Variants in SENP3 observed in about 807,000 individuals in gnomAD.
SENP3 encodes SUMO specific peptidase 3, also known as sentrin-specific protease 3.
SENP3 carries 11 observed loss-of-function variants against 66.2 expected under a neutral mutation model. The observed-to-expected ratio is 0.17, with a 90% CI of 0.10 to 0.28. The LOEUF (loss-of-function observed/expected upper bound fraction) is 0.28. Among genes scored for constraint, SENP3 ranks in the 10% least tolerant of loss-of-function variants. SENP3 has a pLI of 1.00. For missense variants in SENP3, 548 were observed against 743.7 expected (o/e 0.74, Z 3.06); for synonymous variants, 292 against 277.6 (o/e 1.05, Z -0.52).
In SENP3 at chr17:7,570,250, C is replaced by T. The variant is rs1056729376; in HGVS notation, c.1342-106C>T. ...CAATCTAGGCCTTGGGTCTTCTGTT[C>T]TTTCACTTGGTTCCCTTACCTGTGT... On this transcript the variant is annotated intron_variant, in intron 7 of 10. Transcript: ENST00000321337. The surrounding 1 kb of genome is among the most constrained non-coding windows in gnomAD (Gnocchi z 5.4). The T allele has an allele frequency of 4.3e-6, 6 of 1,403,628 alleles. No individual in the cohort carries two copies. The highest frequency in any genetic ancestry group is 2.7e-5 in the South Asian group (2 of 75,204). 86.9% of individuals were successfully genotyped at this position (1,403,628 alleles called of 1,614,324 possible). A position where few individuals can be genotyped will look rare whatever the true frequency, so the allele number is the denominator to read the frequency against.
chr17:7,562,958 C>T lies in SENP3; in HGVS notation c.-11-108C>T. 1 of 1,316,242 alleles carries T rather than the reference C, an allele frequency of 7.6e-7. No individual in the cohort carries two copies. Among genetic ancestry groups the T allele is most frequent in the Non-Finnish European group, 9.7e-7 (1 of 1,035,340 alleles). The allele number at this position is 1,316,242 out of a possible 1,614,324, so 81.5% of individuals were successfully genotyped here. A position where few individuals can be genotyped will look rare whatever the true frequency, so the allele number is the denominator to read the frequency against. ...AGTTAGGAGTTTTGCGTTTTTTCCTCTTTTCTTTATTTGCATCTGAATCCA... is the reference window on the plus strand; with the variant it reads ...AGTTAGGAGTTTTGCGTTTTTTCCTTTTTTCTTTATTTGCATCTGAATCCA... On this transcript the variant is annotated intron_variant, in intron 1 of 10. Coordinates refer to ENST00000321337, the MANE Select transcript of SENP3 (RefSeq NM_015670.6). The surrounding 1 kb of genome is among the most constrained non-coding windows in gnomAD (Gnocchi z 5.0).
chr17:7,564,429 C>T lies in SENP3; in HGVS notation c.716-196C>T, dbSNP rs758953550. ...TATGAGTAGGAACTCTCTCTCCATC[C>T]CTGTAGAATCTCTTGGACATGTTTA... On this transcript the variant is annotated intron_variant, in intron 2 of 10. Transcript: ENST00000321337. 2.6e-5 allele frequency: 20 copies of T among 767,238 alleles called. No individual in the cohort carries two copies. In the South Asian group the frequency reaches 2.6e-4, roughly 10 times the overall value. 47.5% of individuals were successfully genotyped at this position (767,238 alleles called of 1,614,324 possible). A position where few individuals can be genotyped will look rare whatever the true frequency, so the allele number is the denominator to read the frequency against.
chr17:7,570,310 C>A lies in SENP3; in HGVS notation c.1342-46C>A. 1 of 1,594,166 alleles carries A rather than the reference C, an allele frequency of 6.3e-7. No homozygotes were observed. ...TCTCTAGAACCTTCATGGCAAAAGG[C>A]AAGACTTCTGTTTGTTGTACCTGAC... On this transcript the variant is annotated intron_variant, in intron 7 of 10. Transcript: ENST00000321337. The surrounding 1 kb of genome is among the most constrained non-coding windows in gnomAD (Gnocchi z 5.4).
rs1283964746 is a variant in SENP3 at position 7,569,384 on chromosome 17, C to CAAAAA, written c.1342-962_1342-958dup. ...TGGGCAACAGAGCAAGACTCCGTCT[C>CAAAAA]AAAAAAAAAAAAAAGATTTGTTTTT... On this transcript the variant is annotated intron_variant, in intron 7 of 10. Coordinates refer to ENST00000321337, the MANE Select transcript of SENP3 (RefSeq NM_015670.6). Among the ~76,000 whole-genome samples the CAAAAA allele has an allele frequency of 2.2e-4, 23 of 106,732 alleles. 1 individual carries two copies. Among genetic ancestry groups the CAAAAA allele is most frequent in the African/African-American group, 3.6e-4 (10 of 27,798 alleles). 70.0% of individuals were successfully genotyped at this position (106,732 alleles called of 152,430 possible). A position where few individuals can be genotyped will look rare whatever the true frequency, so the allele number is the denominator to read the frequency against.
Position 7,566,962 on chromosome 17 carries a change from C to T in SENP3, c.1299C>T (p.Leu433=), listed in dbSNP as rs371091205. 8.6e-4 allele frequency: 1,357 copies of T among 1,569,572 alleles called. 10 individuals carry two copies. In the African/African-American group the frequency reaches 0.015, roughly 18 times the overall value. The change falls in exon 7 of 11, where the codon CTC becomes CTT. Residue 433 remains leucine (L), a synonymous_variant. Coordinates refer to ENST00000321337, the MANE Select transcript of SENP3 (RefSeq NM_015670.6). ...HFFNSFFYDK[L]RTKGYDGVKR... ...TCAATAGTTTCTTCTATGATAAACT[C>T]CGTACCAAGGGTTATGATGGGGTGA... is the stretch of plus-strand genomic sequence containing the variant.
intron 5 of SENP3, 23 bp downstream of exon 5, chr17:7,565,610 G>T (rs1314418439): frequency 6.2e-7 from 1 of 1,613,594 alleles, no homozygotes; most frequent in East Asian, 2.2e-5. Flanking sequence ...AGAGAAACAG[G>T]CCTGAGAGGG....
chr17:7,565,893 A>G (rs1410323756), intron 6 of SENP3, 129 bp downstream of exon 6: 1 of 735,908 alleles, frequency 1.4e-6, no homozygotes, highest in Non-Finnish European at 2.3e-6. Context: ...TGGTAGTGGT[A>G]GTGTATTAAT....
intron 7 of SENP3, among the ~76,000 whole-genome samples, chr17:7,569,173 CAGG>C (rs898004769): frequency 3.9e-5 from 6 of 152,016 alleles, no homozygotes; most frequent in African/African-American, 7.2e-5. Context: ...ATCACCAGGT[CAGG>C]AGATCAAGAC....
chr17:7,562,248 G>A lies in SENP3; in HGVS notation c.-27G>A, dbSNP rs960347555. Reference sequence around the variant, plus strand: ...CGCCCGCCTTCGGGCCCGTCCGCCCGGCTTCCCCGCTCCCGGTGAGGACGC... The same window carrying A: ...CGCCCGCCTTCGGGCCCGTCCGCCCAGCTTCCCCGCTCCCGGTGAGGACGC... On this transcript the variant is annotated 5_prime_UTR_variant, in exon 1 of 11. Transcript: ENST00000321337. The surrounding 1 kb of genome is among the most constrained non-coding windows in gnomAD (Gnocchi z 5.0). 1 of 398,418 alleles carries A rather than the reference G, an allele frequency of 2.5e-6. No homozygotes were observed. The highest frequency in any genetic ancestry group is 4.4e-6 in the Non-Finnish European group (1 of 225,872). The allele number at this position is 398,418 out of a possible 1,614,324, so 24.7% of individuals were successfully genotyped here.
In SENP3 at chr17:7,571,549, C is replaced by A; in HGVS notation, c.*66C>A. On this transcript the variant is annotated 3_prime_UTR_variant, in exon 11 of 11. Coordinates refer to ENST00000321337, the MANE Select transcript of SENP3 (RefSeq NM_015670.6). ...GACATGGGAGTCCCTTCCCAAGAAA[C>A]TCCAGTTCCTTTCCTCTCTTGCCTC... 1 of 1,089,894 alleles carries A rather than the reference C, an allele frequency of 9.2e-7. No homozygotes were observed. Among genetic ancestry groups the A allele is most frequent in the Non-Finnish European group, 1.4e-6 (1 of 715,714 alleles). 67.5% of individuals were successfully genotyped at this position (1,089,894 alleles called of 1,614,324 possible). A position where few individuals can be genotyped will look rare whatever the true frequency, so the allele number is the denominator to read the frequency against.
At chr17:7,565,853 C>G in intron 6 of SENP3, 89 bp downstream of exon 6, 2 of 1,125,848 alleles carry the variant, frequency 1.8e-6, no homozygotes, top group South Asian at 2.7e-5. Context: ...TCATTTTACA[C>G]AGAGAGGGTC....
chr17:7,571,334 C>T (rs1338928249), intron 10 of SENP3, 39 bp from the exon 11 acceptor site: 2 of 1,436,420 alleles, frequency 1.4e-6, no homozygotes, highest in Non-Finnish European at 2.0e-6. Context: ...CAGGTCCTGA[C>T]ACGGGGGGTT....
chr17:7,567,044 C>A, intron 7 of SENP3, 40 bp downstream of exon 7: 1 of 1,297,280 alleles, frequency 7.7e-7, no homozygotes, highest in Non-Finnish European at 1.1e-6. Context: ...AATGCCTTGC[C>A]TCTAAAGAAT....
intron 6 of SENP3, among the ~76,000 whole-genome samples, chr17:7,566,596 G>A (rs1478158602): frequency 1.3e-5 from 2 of 151,924 alleles, no homozygotes; most frequent in African/African-American, 4.8e-5. Flanking sequence ...AACCCGGGAG[G>A]CGGAGGTTGC....
At position 7,570,216 on chromosome 17, in the gene SENP3, G is replaced by C; in HGVS notation, c.1342-140G>C. The stretch of plus-strand genomic sequence containing the variant: ...AAGAACCGAAACATGCAGATCCTGA[G>C]CTTGCCCACAATCTAGGCCTTGGGT... On this transcript the variant is annotated intron_variant, in intron 7 of 10. Coordinates refer to ENST00000321337, the MANE Select transcript of SENP3 (RefSeq NM_015670.6). This position sits in a 1 kb window ranked among gnomAD's most constrained non-coding sequence, Gnocchi z 5.4. 2 of 1,037,070 alleles carry C rather than the reference G, an allele frequency of 1.9e-6. No individual in the cohort carries two copies. The highest frequency in any genetic ancestry group is 2.4e-5 in the East Asian group (1 of 41,480). 64.2% of individuals were successfully genotyped at this position (1,037,070 alleles called of 1,614,324 possible).
chr17:7,569,575 AT>A (rs1218211782), intron 7 of SENP3, among the ~76,000 whole-genome samples: 1 of 152,026 alleles, frequency 6.6e-6, no homozygotes, highest in Non-Finnish European at 1.5e-5. Flanking sequence ...AGGCCAGGAA[AT>A]TTCTACAGCT....
intron 6 of SENP3, among the ~76,000 whole-genome samples, chr17:7,566,477 G>A (rs1384939823): frequency 6.6e-6 from 1 of 151,932 alleles, no homozygotes; most frequent in African/African-American, 2.4e-5. Context: ...CCAACATGGT[G>A]AAACCCTGGC....
rs1567731161 is a variant in SENP3 at position 7,571,839 on chromosome 17, A to ATT, written c.*357_*358insTT. On this transcript the variant is annotated 3_prime_UTR_variant, in exon 11 of 11. Transcript: ENST00000321337. ...CTGCCTGCCAGATCTTCAAACTTTT[A>ATT]TATATATATATATATATATATATAT... 6.6e-3 allele frequency: 5 copies of ATT among 756 alleles called. 1 individual carries two copies. Among genetic ancestry groups the ATT allele is most frequent in the Non-Finnish European group, 0.01 (4 of 384 alleles). 0.0% of individuals were successfully genotyped at this position (756 alleles called of 1,614,324 possible). A position where few individuals can be genotyped will look rare whatever the true frequency, so the allele number is the denominator to read the frequency against.
At chr17:7,565,853 C>T in intron 6 of SENP3, 89 bp downstream of exon 6, 2 of 1,125,848 alleles carry the variant, frequency 1.8e-6, no homozygotes, top group East Asian at 2.4e-5. Flanking sequence ...TCATTTTACA[C>T]AGAGAGGGTC....
Sources: allele counts gnomAD v4.1 joint callset (sites outside exome capture counted in the v4.1 genomes callset), GRCh38; gene constraint gnomAD v4.1.1; non-coding constraint Gnocchi (gnomAD v3.1); transcripts MANE v1.5; gene names NCBI Gene and HGNC (gene_info 2026-07-23, HGNC 2026-07-21).